Variants in ST3GAL2 observed in about 807,000 individuals in gnomAD.
ST3GAL2 encodes ST3 beta-galactoside alpha-2,3-sialyltransferase 2, also known as CMP-N-acetylneuraminate-beta-galactosamide-alpha-2,3-sialyltransferase 2.
Under a neutral mutation model 37.5 loss-of-function variants are expected in ST3GAL2, and 16 were observed. The observed-to-expected ratio is 0.43, with a 90% CI of 0.29 to 0.65. The LOEUF (loss-of-function observed/expected upper bound fraction) is 0.65. Among genes scored for constraint, ST3GAL2 ranks in the 30% least tolerant of loss-of-function variants. The probability of loss-of-function intolerance (pLI) is 0.17; values close to 1 mark genes in which losing one functional copy is unlikely to be tolerated. For missense variants in ST3GAL2, 383 were observed against 487.8 expected, an observed-to-expected ratio of 0.79 and a Z score of 2.02; for synonymous variants, 238 against 202.9, an observed-to-expected ratio of 1.17 and a Z score of -1.47.
chr16:70,395,780 C>T (rs1008100022), intron 2 of ST3GAL2, among the ~76,000 whole-genome samples: 1 of 152,150 alleles, frequency 6.6e-6, no homozygotes, highest in Admixed American at 6.5e-5. Context: ...TGCTTACAGG[C>T]CCAGCAAGTG....
intron 2 of ST3GAL2, among the ~76,000 whole-genome samples, chr16:70,395,937 A>G (rs924288626): frequency 3.2e-4 from 49 of 152,290 alleles, no homozygotes; most frequent in African/African-American, 1.1e-3. Context: ...CACTGAAAAT[A>G]AGGATTTCAT....
At position 70,379,283 on chromosome 16, in the gene ST3GAL2, G is replaced by A. The variant is rs867853692; in HGVS notation, c.*2406C>T. The stretch of plus-strand genomic sequence containing the variant: ...CTCTCCTGGAGGAAACTCAAGAGGC[G>A]ACAACGAGCTGATTTTTAACCAAAA... On this transcript the variant is annotated 3_prime_UTR_variant, in exon 7 of 7. Coordinates refer to ENST00000342907, the MANE Select transcript of ST3GAL2 (RefSeq NM_006927.4). The A allele has an allele frequency of 1.3e-5, 2 of 152,208 alleles. No individual in the cohort carries two copies. Among genetic ancestry groups the A allele is most frequent in the African/African-American group, 2.4e-5 (1 of 41,454 alleles). 9.4% of individuals were successfully genotyped at this position (152,208 alleles called of 1,614,324 possible).
Position 70,398,609 on chromosome 16 carries a change from C to T in ST3GAL2, c.-79G>A, listed in dbSNP as rs569746428. 1.5e-5 allele frequency: 21 copies of T among 1,389,148 alleles called. No homozygotes were observed. Among genetic ancestry groups the T allele is most frequent in the Admixed American group, 1.5e-4 (7 of 46,736 alleles). 86.1% of individuals were successfully genotyped at this position (1,389,148 alleles called of 1,614,324 possible). Reference sequence around the variant, plus strand: ...AGGGGCCAGCCACGGCGTAGCCTGCCTATTCTGGCACCACATGCAAAGGGC... The same window carrying T: ...AGGGGCCAGCCACGGCGTAGCCTGCTTATTCTGGCACCACATGCAAAGGGC... On this transcript the variant is annotated 5_prime_UTR_variant, in exon 2 of 7. It removes the in-frame stop codon of an upstream open reading frame in the 5' UTR. Coordinates refer to ENST00000342907, the MANE Select transcript of ST3GAL2 (RefSeq NM_006927.4).
At position 70,376,544 on chromosome 16, in the gene ST3GAL2, C is replaced by T. The variant is rs1232447123; in HGVS notation, c.*5145G>A. ...CTTGGATTTTGTGGGTTGGTTGTTA[C>T]CCAGGCATAGACTTGCTGCAGGAGC... is the stretch of plus-strand genomic sequence containing the variant. On this transcript the variant is annotated 3_prime_UTR_variant, in exon 7 of 7. Transcript: ENST00000342907. 1 of 152,146 alleles carries T rather than the reference C, an allele frequency of 6.6e-6. No homozygotes were observed. The highest frequency in any genetic ancestry group is 1.5e-5 in the Non-Finnish European group (1 of 68,036). The allele number at this position is 152,146 out of a possible 1,614,324, so 9.4% of individuals were successfully genotyped here. A position where few individuals can be genotyped will look rare whatever the true frequency, so the allele number is the denominator to read the frequency against.
At chr16:70,434,779 C>A (rs191798840) in intron 1 of ST3GAL2, among the ~76,000 whole-genome samples, 1 of 152,322 alleles carries the variant, frequency 6.6e-6, no homozygotes, top group African/African-American at 2.4e-5. Flanking sequence ...GGTTTAGCAG[C>A]CACTCCGTTG....
intron 1 of ST3GAL2, among the ~76,000 whole-genome samples, chr16:70,415,632 A>G (rs978006809): frequency 4.0e-5 from 6 of 150,468 alleles, no homozygotes; most frequent in African/African-American, 1.2e-4. Flanking sequence ...TTCTATTTTT[A>G]GTAGAGATGG....
intron 3 of ST3GAL2, among the ~76,000 whole-genome samples, chr16:70,393,523 G>A (rs760940414): frequency 1.9e-4 from 29 of 152,208 alleles, no homozygotes; most frequent in Non-Finnish European, 3.5e-4. Context: ...ACTTGATGCA[G>A]GTGCTTTGGG....
intron 1 of ST3GAL2, among the ~76,000 whole-genome samples, chr16:70,415,457 A>G (rs977321717): frequency 1.3e-5 from 2 of 152,218 alleles, no homozygotes; most frequent in Non-Finnish European, 2.9e-5. Context: ...TTTTCACAAG[A>G]TAATATATTG....
intron 1 of ST3GAL2, among the ~76,000 whole-genome samples, chr16:70,420,020 T>C (rs148714383): frequency 2.6e-5 from 3 of 116,528 alleles, no homozygotes; most frequent in African/African-American, 2.9e-5. Flanking sequence ...GACCCCCCCC[T>C]TCCCTTTTTT....
chr16:70,411,105 C>T (rs1395787074), intron 1 of ST3GAL2, among the ~76,000 whole-genome samples: 4 of 152,090 alleles, frequency 2.6e-5, no homozygotes, highest in Non-Finnish European at 4.4e-5. Flanking sequence ...AAATAAGCAG[C>T]CGGGCGCAGT....
intron 1 of ST3GAL2, among the ~76,000 whole-genome samples, chr16:70,433,871 G>C (rs1166233171): frequency 6.6e-6 from 1 of 152,174 alleles, no homozygotes; most frequent in Non-Finnish European, 1.5e-5. Context: ...AGAAAAAAGG[G>C]ACAACTCCCT....
chr16:70,383,482 G>A (rs2047420374), intron 4 of ST3GAL2, among the ~76,000 whole-genome samples: 1 of 149,344 alleles, frequency 6.7e-6, no homozygotes, highest in Admixed American at 6.7e-5. Flanking sequence ...TACTTGGGAG[G>A]CTGAGGTTTC....
intron 1 of ST3GAL2, among the ~76,000 whole-genome samples, chr16:70,416,416 T>C (rs1218815068): frequency 1.3e-5 from 2 of 152,176 alleles, no homozygotes; most frequent in East Asian, 1.9e-4. Flanking sequence ...AAGACATGTA[T>C]GTGTCTCTCA....
chr16:70,433,894 T>C (rs1000364875), intron 1 of ST3GAL2, among the ~76,000 whole-genome samples: 2 of 152,246 alleles, frequency 1.3e-5, no homozygotes, highest in Admixed American at 6.5e-5. Context: ...ATGTGCCTTG[T>C]GATAGCCTTT....
rs370171183 is a variant in ST3GAL2 at position 70,436,256 on chromosome 16, C to T, written c.-1004+2693G>A. Among the ~76,000 whole-genome samples the T allele has an allele frequency of 1.2e-3, 178 of 152,180 alleles. 1 individual carries two copies. The highest frequency in any genetic ancestry group is 3.9e-3 in the African/African-American group (161 of 41,540). ...CAGTCTGGCAAACATGGTGAAACCCCGTCTCTACTAAAAATACAAAAAGTA... is the reference window on the plus strand; with the variant it reads ...CAGTCTGGCAAACATGGTGAAACCCTGTCTCTACTAAAAATACAAAAAGTA... On this transcript the variant is annotated intron_variant, in intron 1 of 6. Transcript: ENST00000342907.
At chr16:70,420,806 T>C (rs1230068820) in intron 1 of ST3GAL2, among the ~76,000 whole-genome samples, 1 of 152,216 alleles carries the variant, frequency 6.6e-6, no homozygotes, top group African/African-American at 2.4e-5. Flanking sequence ...TTTGCATCCA[T>C]GCTTCTACCA....
intron 1 of ST3GAL2, among the ~76,000 whole-genome samples, chr16:70,436,034 G>A (rs1365530494): frequency 6.6e-6 from 1 of 151,546 alleles, no homozygotes; most frequent in African/African-American, 2.4e-5. Context: ...GCTGAGGCAG[G>A]AGAATAGCCT....
chr16:70,419,069 A>G (rs2047695812), intron 1 of ST3GAL2, among the ~76,000 whole-genome samples: 1 of 152,134 alleles, frequency 6.6e-6, no homozygotes, highest in Admixed American at 6.5e-5. Context: ...GGATGTCAAC[A>G]TCAAGGCTGG....
Position 70,381,075 on chromosome 16 carries a change from G to A in ST3GAL2, c.*614C>T, listed in dbSNP as rs921778056. ...CCCGGGAGCACCCCACCCCGCAGAG[G>A]GCGCCACTCCCGGCTTCCTGGAGAC... On this transcript the variant is annotated 3_prime_UTR_variant, in exon 7 of 7. Coordinates refer to ENST00000342907, the MANE Select transcript of ST3GAL2 (RefSeq NM_006927.4). 2.6e-5 allele frequency: 4 copies of A among 152,498 alleles called. No homozygotes were observed. The highest frequency in any genetic ancestry group is 4.4e-5 in the Non-Finnish European group (3 of 68,242). 9.4% of individuals were successfully genotyped at this position (152,498 alleles called of 1,614,324 possible).
Sources: gnomAD v4.1 joint callset for allele counts (sites outside exome capture counted in the v4.1 genomes callset) on GRCh38, gnomAD v4.1.1 for gene constraint, MANE v1.5 for transcripts, NCBI Gene and HGNC (gene_info 2026-07-23, HGNC 2026-07-21) for gene names.